Variants in FAM53B observed in about 807,000 individuals in gnomAD.
FAM53B encodes the protein family with sequence similarity 53 member B.
Under a neutral mutation model 32.7 loss-of-function variants are expected in FAM53B, and 12 were observed. The ratio of observed to expected loss-of-function variants is 0.37; its 90% CI spans 0.24 to 0.59. FAM53B has a LOEUF of 0.59. FAM53B is among the 20% of genes least tolerant of loss of function. The pLI is 0.72. For missense variants in FAM53B, 477 were observed against 577.7 expected, an observed-to-expected ratio of 0.83 and a Z score of 1.79; for synonymous variants, 234 against 228.7, an observed-to-expected ratio of 1.02 and a Z score of -0.21.
At chr10:124,717,698 G>A (rs1279018893) in intron 1 of FAM53B, among the ~76,000 whole-genome samples, 1 of 152,200 alleles carries the variant, frequency 6.6e-6, no homozygotes, top group African/African-American at 2.4e-5. Context: ...ATGCGTGATT[G>A]CATTTTCCAA....
At chr10:124,639,137 AC>A (rs1355387287) in intron 4 of FAM53B, among the ~76,000 whole-genome samples, 7 of 152,272 alleles carry the variant, frequency 4.6e-5, no homozygotes, top group East Asian at 1.9e-4. Context: ...ACCCAATGTG[AC>A]ACCTGACAGG....
intron 1 of FAM53B, among the ~76,000 whole-genome samples, chr10:124,739,054 A>C (rs1403461025): frequency 3.3e-5 from 5 of 151,918 alleles, no homozygotes; most frequent in East Asian, 1.9e-4. Context: ...AAAAAAAAAA[A>C]AACAAAAAAC....
Position 124,682,180 on chromosome 10 carries a change from C to T in FAM53B, c.333G>A (p.Lys111=), listed in dbSNP as rs768589318. Residue 111 remains lysine (K), a synonymous_variant, in exon 4 of 5, where the codon AAG becomes AAA. Transcript: ENST00000337318. The surrounding 1 kb of genome is among the most constrained non-coding windows in gnomAD (Gnocchi z 5.2). ...HNGNPSAPPS[K]RQCRSLSFSD... ...AGAAGGACAGTGAGCGGCACTGGCG[C>T]TTGCTAGGGGGTGCTGAGGGGTTCC... 9 of 1,613,786 alleles carry T rather than the reference C, an allele frequency of 5.6e-6. No homozygotes were observed. The East Asian group carries it at 1.8e-4, about 32-fold the overall frequency.
At chr10:124,661,939 T>TG (rs1199423632) in intron 4 of FAM53B, among the ~76,000 whole-genome samples, 1 of 152,234 alleles carries the variant, frequency 6.6e-6, no homozygotes, top group African/African-American at 2.4e-5. Flanking sequence ...ATCCCAGGTC[T>TG]GGGCTCCGAT....
chr10:124,719,230 C>T (rs1421778095), intron 1 of FAM53B, among the ~76,000 whole-genome samples: 2 of 151,896 alleles, frequency 1.3e-5, no homozygotes, highest in Non-Finnish European at 2.9e-5. Context: ...TTTTGGCATG[C>T]CATGGGGGTG....
intron 4 of FAM53B, among the ~76,000 whole-genome samples, chr10:124,633,910 T>G (rs1949409042): frequency 6.6e-6 from 1 of 151,932 alleles, no homozygotes; most frequent in Non-Finnish European, 1.5e-5. Flanking sequence ...ATAAAAGAAA[T>G]AAGTAATAAA....
chr10:124,643,616 GT>G (rs1167982064), intron 4 of FAM53B, among the ~76,000 whole-genome samples: 1 of 152,194 alleles, frequency 6.6e-6, no homozygotes, highest in Non-Finnish European at 1.5e-5. Context: ...TCTCTCTCTT[GT>G]TTTCATTCCT....
chr10:124,714,200 C>CTA (rs1950024379), intron 1 of FAM53B: 1 of 152,016 alleles, frequency 6.6e-6, no homozygotes, highest in African/African-American at 2.4e-5. Flanking sequence ...ATTTTATATA[C>CTA]TAACTAAGTC....
At chr10:124,644,372 T>C (rs1949497800) in intron 4 of FAM53B, among the ~76,000 whole-genome samples, 1 of 152,182 alleles carries the variant, frequency 6.6e-6, no homozygotes, top group Non-Finnish European at 1.5e-5. Flanking sequence ...ACCTAGGAGC[T>C]TTGGCTCTGC....
At chr10:124,665,050 C>G (rs1949660545) in intron 4 of FAM53B, among the ~76,000 whole-genome samples, 1 of 152,254 alleles carries the variant, frequency 6.6e-6, no homozygotes, top group Non-Finnish European at 1.5e-5. Context: ...CAGAGGCCAG[C>G]CCCAGCCAGT....
chr10:124,743,197 G>A (rs965760992), intron 1 of FAM53B, among the ~76,000 whole-genome samples: 1 of 152,148 alleles, frequency 6.6e-6, no homozygotes, highest in Non-Finnish European at 1.5e-5. Context: ...AACACAAACC[G>A]CAAACCCTCC....
chr10:124,709,248 G>A (rs1949983289), intron 1 of FAM53B, among the ~76,000 whole-genome samples: 1 of 152,230 alleles, frequency 6.6e-6, no homozygotes, highest in South Asian at 2.1e-4. Flanking sequence ...GAGGCGGCCA[G>A]TAGAATGAAA....
intron 2 of FAM53B, among the ~76,000 whole-genome samples, chr10:124,702,967 T>A (rs1250759836): frequency 6.6e-6 from 1 of 152,116 alleles, no homozygotes; most frequent in Non-Finnish European, 1.5e-5. Context: ...TCTCACCTCG[T>A]GACACACTTA....
chr10:124,697,776 A>G lies in FAM53B; in HGVS notation c.79-1564T>C, dbSNP rs1454908952. Among the ~76,000 whole-genome samples, 4 of 152,096 alleles carry G rather than the reference A, an allele frequency of 2.6e-5. No individual in the cohort carries two copies. The East Asian group carries it at 7.7e-4, about 29-fold the overall frequency. ...AAGGGGAACGGGGCAGTCCTCCTAC[A>G]GGTTGCCCTCCTCAGTTTAAAATGA... is the stretch of plus-strand genomic sequence containing the variant. On this transcript the variant is annotated intron_variant, in intron 2 of 4. Coordinates refer to ENST00000337318, the MANE Select transcript of FAM53B (RefSeq NM_014661.4).
At chr10:124,691,957 G>C (rs1949835370) in intron 3 of FAM53B, among the ~76,000 whole-genome samples, 1 of 152,212 alleles carries the variant, frequency 6.6e-6, no homozygotes, top group African/African-American at 2.4e-5. Context: ...GCTGACCAGG[G>C]GGTGGGCCGC....
At chr10:124,632,966 A>G (rs931344251) in intron 4 of FAM53B, among the ~76,000 whole-genome samples, 1 of 152,160 alleles carries the variant, frequency 6.6e-6, no homozygotes, top group Non-Finnish European at 1.5e-5. Flanking sequence ...TCAGTTTCTC[A>G]TGTGTACAAG....
intron 1 of FAM53B, among the ~76,000 whole-genome samples, chr10:124,724,934 T>TG (rs1950092778): frequency 2.0e-5 from 3 of 152,170 alleles, no homozygotes; most frequent in Admixed American, 6.5e-5. Flanking sequence ...GCCCAGCTGC[T>TG]GGGGGCTGGG....
intron 4 of FAM53B, among the ~76,000 whole-genome samples, chr10:124,675,908 C>T (rs996466788): frequency 3.3e-5 from 5 of 152,340 alleles, no homozygotes; most frequent in South Asian, 2.1e-4. Flanking sequence ...TGGTGGATGA[C>T]GTTCAATTAC....
intron 4 of FAM53B, among the ~76,000 whole-genome samples, chr10:124,643,710 C>T (rs916921853): frequency 7.9e-5 from 12 of 152,256 alleles, no homozygotes; most frequent in African/African-American, 1.4e-4. Context: ...GCCGCCATCC[C>T]GAACCAGGCT....
Sources: gnomAD v4.1 joint callset for allele counts (sites outside exome capture counted in the v4.1 genomes callset) on GRCh38, gnomAD v4.1.1 for gene constraint, Gnocchi (gnomAD v3.1) non-coding constraint, MANE v1.5 for transcripts, NCBI Gene and HGNC (gene_info 2026-07-23, HGNC 2026-07-21) for gene names.